Variants in CTNNA2 observed in about 807,000 individuals in gnomAD.
CTNNA2 encodes the protein catenin alpha-2.
CTNNA2 carries 42 observed loss-of-function variants against 101.0 expected under a neutral mutation model. The observed-to-expected ratio is 0.42, with a 90% CI of 0.32 to 0.54. The LOEUF (loss-of-function observed/expected upper bound fraction) is 0.54. Among genes scored for constraint, CTNNA2 ranks in the 20% least tolerant of loss-of-function variants. The probability of loss-of-function intolerance (pLI) is 0.14; values close to 1 mark genes in which losing one functional copy is unlikely to be tolerated. For missense variants in CTNNA2, 871 were observed against 1,223.1 expected (o/e 0.71, Z 4.29); for synonymous variants, 450 against 456.4 (o/e 0.99, Z 0.18).
At chr2:80,170,570 C>G (rs566256216) in intron 7 of CTNNA2, among the ~76,000 whole-genome samples, 1 of 152,228 alleles carries the variant, frequency 6.6e-6, no homozygotes, top group South Asian at 2.1e-4. Flanking sequence ...TGTAGTGTTT[C>G]AAAAACAGGA....
intron 7 of CTNNA2, among the ~76,000 whole-genome samples, chr2:79,942,491 A>C (rs1389987749): frequency 6.6e-6 from 1 of 152,206 alleles, no homozygotes; most frequent in Non-Finnish European, 1.5e-5. Context: ...AATAGGTAGC[A>C]CTGAAAGCAG....
chr2:79,509,427 C>T (rs1671487583), upstream of CTNNA2, among the ~76,000 whole-genome samples: 1 of 151,990 alleles, frequency 6.6e-6, no homozygotes. Flanking sequence ...TTATTCAGTG[C>T]TAAAAACAGA....
chr2:79,779,331 C>T (rs1573948000), intron 3 of CTNNA2, among the ~76,000 whole-genome samples: 1 of 152,226 alleles, frequency 6.6e-6, no homozygotes. Context: ...CATCCCCCTT[C>T]TCTGTTTCTG....
At chr2:79,349,757 T>C (rs1397534222) in intron 3 of CTNNA2, among the ~76,000 whole-genome samples, 1 of 152,192 alleles carries the variant, frequency 6.6e-6, no homozygotes, top group Non-Finnish European at 1.5e-5. Context: ...AGAGAGCTGA[T>C]GAAGACACCA....
intron 4 of CTNNA2, among the ~76,000 whole-genome samples, chr2:79,430,258 C>T (rs1178301202): frequency 1.3e-5 from 2 of 151,904 alleles, no homozygotes; most frequent in South Asian, 4.1e-4. Context: ...CTTCAAAGGC[C>T]CGAGGGACAA....
chr2:79,686,083 T>G (rs1015263987), intron 2 of CTNNA2, among the ~76,000 whole-genome samples: 8 of 151,992 alleles, frequency 5.3e-5, no homozygotes, highest in African/African-American at 1.9e-4. Flanking sequence ...TTGAAGGCCC[T>G]GACATAAGGC....
chr2:80,171,896 G>C (rs1705083650), intron 7 of CTNNA2, among the ~76,000 whole-genome samples: 2 of 152,210 alleles, frequency 1.3e-5, no homozygotes, highest in South Asian at 4.1e-4. Context: ...TATCTCTGCT[G>C]TGGGGGATCC....
At chr2:79,798,060 CCTGCAGCATT>C (rs1675860130) in intron 3 of CTNNA2, among the ~76,000 whole-genome samples, 1 of 152,140 alleles carries the variant, frequency 6.6e-6, no homozygotes, top group Non-Finnish European at 1.5e-5. Context: ...AGTCCCAAGA[CCTGCAGCATT>C]CTCTGGGAAC....
At chr2:79,596,687 A>G (rs1032097483) in intron 1 of CTNNA2, among the ~76,000 whole-genome samples, 4 of 152,198 alleles carry the variant, frequency 2.6e-5, no homozygotes, top group Admixed American at 1.3e-4. Flanking sequence ...CATTTCTGCT[A>G]AGTAATGATG....
At chr2:80,323,348 CG>C (rs1678908110) in intron 7 of CTNNA2, among the ~76,000 whole-genome samples, 1 of 152,160 alleles carries the variant, frequency 6.6e-6, no homozygotes, top group African/African-American at 2.4e-5. Context: ...TGAGAATCAT[CG>C]CCAAGATCTC....
chr2:80,075,654 T>TA (rs1310459535), intron 7 of CTNNA2, among the ~76,000 whole-genome samples: 26 of 102,740 alleles, frequency 2.5e-4, no homozygotes, highest in African/African-American at 1.1e-3. Context: ...ATTATAAAAA[T>TA]AATATTTATA....
At chr2:80,372,533 T>C (rs998922180) in intron 7 of CTNNA2, among the ~76,000 whole-genome samples, 8 of 152,146 alleles carry the variant, frequency 5.3e-5, no homozygotes, top group South Asian at 2.1e-4. Context: ...AACATGTTCA[T>C]TGGTGTCTTT....
At chr2:79,925,877 CT>C (rs5832421) in intron 7 of CTNNA2, among the ~76,000 whole-genome samples, 69,811 of 150,278 alleles carry the variant, frequency 0.46, 17,172 homozygotes, top group African/African-American at 0.62. Context: ...ACATCTAAGA[CT>C]TTTTTTTTTT....
chr2:80,278,129 G>C (rs569670033), intron 7 of CTNNA2, among the ~76,000 whole-genome samples: 18 of 152,170 alleles, frequency 1.2e-4, no homozygotes, highest in African/African-American at 4.1e-4. Flanking sequence ...ATGAAGTAGG[G>C]ATATTAATAA....
chr2:80,132,415 A>G (rs1222446525), intron 7 of CTNNA2, among the ~76,000 whole-genome samples: 1 of 152,180 alleles, frequency 6.6e-6, no homozygotes, highest in African/African-American at 2.4e-5. Context: ...ATATAAATGT[A>G]TCACAGGAGA....
intron 13 of CTNNA2, among the ~76,000 whole-genome samples, chr2:80,577,692 T>C (rs1695173698): frequency 6.7e-6 from 1 of 149,340 alleles, no homozygotes; most frequent in African/African-American, 2.5e-5. Context: ...TTCATTTTGT[T>C]GTTGTTGTTG....
In CTNNA2 at chr2:79,615,194, A is replaced by G. The variant is rs774161346; in HGVS notation, c.-5-36358A>G. On this transcript the variant is annotated intron_variant, in intron 1 of 18. Transcript: ENST00000402739. ...CCTTTTAATTATTTTTATTTAAAGA[A>G]TATTTTTCTCTTAATAAATTCAGCT... Among the ~76,000 whole-genome samples, 6 of 152,258 alleles carry G rather than the reference A, an allele frequency of 3.9e-5. No individual in the cohort carries two copies. In the South Asian group the frequency reaches 1.2e-3, roughly 31 times the overall value.
chr2:80,527,637 AT>A (rs1690155633), intron 9 of CTNNA2, among the ~76,000 whole-genome samples: 1 of 152,146 alleles, frequency 6.6e-6, no homozygotes, highest in Admixed American at 6.5e-5. Context: ...ACACCAGGTG[AT>A]TCTTATGATG....
At chr2:79,461,121 C>T (rs141418850) in intron 4 of CTNNA2, among the ~76,000 whole-genome samples, 139 of 152,286 alleles carry the variant, frequency 9.1e-4, no homozygotes, top group East Asian at 2.3e-3. Flanking sequence ...GGATTATAGG[C>T]GTGAGCCACG....
Sources: allele counts gnomAD v4.1 joint callset (sites outside exome capture counted in the v4.1 genomes callset), GRCh38; gene constraint gnomAD v4.1.1; transcripts MANE v1.5; gene names NCBI Gene and HGNC (gene_info 2026-07-23, HGNC 2026-07-21).